FRMD5: variants seen among roughly 807,000 people sequenced by gnomAD.
FRMD5 encodes FERM domain containing 5, also known as FERM domain-containing protein 5.
Under a neutral mutation model 69.0 loss-of-function variants are expected in FRMD5, and 20 were observed. The observed-to-expected ratio is 0.29, with a 90% CI of 0.20 to 0.42. The LOEUF (loss-of-function observed/expected upper bound fraction) is 0.42, where lower values mean the gene tolerates loss of function less well. Among genes scored for constraint, FRMD5 ranks in the 10% least tolerant of loss-of-function variants. FRMD5 has a pLI of 1.00. For missense variants in FRMD5, 595 were observed against 708.6 expected (o/e 0.84, Z 1.82); for synonymous variants, 271 against 260.1 (o/e 1.04, Z -0.40).
At chr15:44,134,785 T>C (rs1048542478) in intron 1 of FRMD5, among the ~76,000 whole-genome samples, 1 of 152,016 alleles carries the variant, frequency 6.6e-6, no homozygotes, top group Admixed American at 6.6e-5. Flanking sequence ...GTGATAGCCT[T>C]TCTGAGAAGG....
At chr15:43,974,144 G>T (rs183556158) in intron 1 of FRMD5, among the ~76,000 whole-genome samples, 13 of 152,068 alleles carry the variant, frequency 8.5e-5, no homozygotes, top group Admixed American at 2.0e-4. Context: ...GCAGTAGGGT[G>T]CTATGAAAGC....
chr15:44,054,216 T>C (rs1490716068), intron 1 of FRMD5, among the ~76,000 whole-genome samples: 5 of 152,246 alleles, frequency 3.3e-5, no homozygotes, highest in Non-Finnish European at 5.9e-5. Flanking sequence ...ACAGTGTTGT[T>C]TTAATGTTAT....
rs532749301 is a variant in FRMD5 at position 44,123,584 on chromosome 15, T to TA, written c.102+71368dup. Among the ~76,000 whole-genome samples the TA allele has an allele frequency of 3.1e-3, 468 of 152,098 alleles. 3 individuals are homozygous for TA. The highest frequency in any genetic ancestry group is 0.011 in the African/African-American group (437 of 41,486). On this transcript the variant is annotated intron_variant, in intron 1 of 13. Coordinates refer to ENST00000417257, the MANE Select transcript of FRMD5 (RefSeq NM_032892.5). ...TGTATCTGTAGAATTAAATATTTTT[T>TA]AAAAAATAAAGAAACCAGAAAATCA... is the stretch of plus-strand genomic sequence containing the variant.
At chr15:44,005,967 G>C (rs1188397295) in intron 1 of FRMD5, among the ~76,000 whole-genome samples, 1 of 152,208 alleles carries the variant, frequency 6.6e-6, no homozygotes, top group Non-Finnish European at 1.5e-5. Context: ...ATCTACCTGA[G>C]ATCACTTATG....
intron 1 of FRMD5, among the ~76,000 whole-genome samples, chr15:44,010,372 G>C (rs1346881117): frequency 6.6e-6 from 1 of 150,520 alleles, no homozygotes; most frequent in Non-Finnish European, 1.5e-5. Flanking sequence ...AGCCTTCCAA[G>C]AATCTCTTCT....
At chr15:44,073,263 T>C (rs1893616907) in intron 1 of FRMD5, among the ~76,000 whole-genome samples, 1 of 149,202 alleles carries the variant, frequency 6.7e-6, no homozygotes, top group African/African-American at 2.6e-5. Flanking sequence ...CAAATTCCTT[T>C]TCTTGACCCT....
At chr15:44,130,488 G>C (rs960605203) in intron 1 of FRMD5, among the ~76,000 whole-genome samples, 13 of 152,110 alleles carry the variant, frequency 8.5e-5, no homozygotes. Context: ...TAAGAAAAAG[G>C]ATAAATCTAT....
intron 1 of FRMD5, among the ~76,000 whole-genome samples, chr15:44,013,389 T>C (rs575549510): frequency 3.9e-5 from 6 of 152,190 alleles, no homozygotes; most frequent in Admixed American, 2.0e-4. Context: ...CTTAGGTACT[T>C]AGAAATTCAT....
At chr15:44,100,219 A>G (rs80079681) in intron 1 of FRMD5, among the ~76,000 whole-genome samples, 1 of 142,378 alleles carries the variant, frequency 7.0e-6, no homozygotes, top group East Asian at 2.0e-4. Flanking sequence ...ACACCCGGCT[A>G]AATTTTTTTT....
chr15:44,114,110 T>C (rs1437202074), intron 1 of FRMD5, among the ~76,000 whole-genome samples: 1 of 152,026 alleles, frequency 6.6e-6, no homozygotes, highest in African/African-American at 2.4e-5. Context: ...AAATGACATA[T>C]ATAAAGACGT....
chr15:43,873,193 C>T lies in FRMD5; in HGVS notation c.*692G>A, dbSNP rs2088210361. ...TACCCCACCCCTGATGCTGCTGTTG[C>T]TGTAGCGGTGGTCCCTTCAGATGCC... On this transcript the variant is annotated 3_prime_UTR_variant, in exon 14 of 14. Transcript: ENST00000417257. 1 of 1,550,536 alleles carries T rather than the reference C, an allele frequency of 6.4e-7. No homozygotes were observed. Among genetic ancestry groups the T allele is most frequent in the Non-Finnish European group, 8.7e-7 (1 of 1,146,982 alleles).
At chr15:44,100,813 C>T (rs1302896263) in intron 1 of FRMD5, among the ~76,000 whole-genome samples, 1 of 152,092 alleles carries the variant, frequency 6.6e-6, no homozygotes, top group Non-Finnish European at 1.5e-5. Flanking sequence ...ATTCATTAGA[C>T]TAAATGGCCT....
At chr15:44,013,297 C>A (rs6493093) in intron 1 of FRMD5, among the ~76,000 whole-genome samples, 3 of 152,084 alleles carry the variant, frequency 2.0e-5, no homozygotes, top group African/African-American at 7.3e-5. Context: ...GGAGGCTAAG[C>A]TGAGAGGCTC....
intron 1 of FRMD5, among the ~76,000 whole-genome samples, chr15:44,183,411 AG>A (rs1442359488): frequency 1.3e-5 from 2 of 152,224 alleles, no homozygotes; most frequent in African/African-American, 4.8e-5. Flanking sequence ...ACCACTCCAC[AG>A]GAAGGTAAAA....
intron 7 of FRMD5, among the ~76,000 whole-genome samples, chr15:43,899,819 C>A (rs2089001046): frequency 2.0e-5 from 3 of 152,210 alleles, no homozygotes; most frequent in African/African-American, 7.2e-5. Context: ...GAGACAGGAG[C>A]CTCACAGTCC....
At chr15:43,949,962 G>A (rs2090001871) in intron 1 of FRMD5, among the ~76,000 whole-genome samples, 1 of 152,146 alleles carries the variant, frequency 6.6e-6, no homozygotes, top group African/African-American at 2.4e-5. Flanking sequence ...CTTGGGAAGG[G>A]CACACGTGTC....
chr15:44,044,910 TA>T (rs543764815), intron 1 of FRMD5, among the ~76,000 whole-genome samples: 6 of 151,622 alleles, frequency 4.0e-5, no homozygotes, highest in South Asian at 2.1e-4. Context: ...TTAAAGTATT[TA>T]AAAAAAAATT....
At chr15:43,875,377 T>A (rs1187409083) in intron 13 of FRMD5, among the ~76,000 whole-genome samples, 8 of 138,872 alleles carry the variant, frequency 5.8e-5, no homozygotes, top group East Asian at 2.1e-4. Flanking sequence ...TATATATATA[T>A]ATATATATAT....
At chr15:44,120,515 G>A (rs1038674124) in intron 1 of FRMD5, among the ~76,000 whole-genome samples, 2 of 149,152 alleles carry the variant, frequency 1.3e-5, no homozygotes, top group Non-Finnish European at 3.0e-5. Context: ...CAAAAGTAGG[G>A]ATTATTGGGA....
Sources: allele counts gnomAD v4.1 joint callset (sites outside exome capture counted in the v4.1 genomes callset), GRCh38; gene constraint gnomAD v4.1.1; transcripts MANE v1.5; gene names NCBI Gene and HGNC (gene_info 2026-07-23, HGNC 2026-07-21).